Variants in MACF1 observed in about 807,000 individuals in gnomAD.
MACF1 encodes microtubule-actin cross-linking factor 1.
MACF1 carries 193 observed loss-of-function variants against 854.8 expected under a neutral mutation model. The ratio of observed to expected loss-of-function variants is 0.23; its 90% CI spans 0.20 to 0.25. The LOEUF is 0.25. MACF1 is among the 10% of genes least tolerant of loss of function. The probability of loss-of-function intolerance (pLI) is 1.00; values close to 1 mark genes in which losing one functional copy is unlikely to be tolerated. For synonymous variants in MACF1, 3,185 were observed against 3,226.7 expected (o/e 0.99, Z 0.44); for missense variants, 7,722 against 8,929.1 (o/e 0.86, Z 5.45).
chr1:39,408,078 T>C (rs975656233), intron 58 of MACF1, among the ~76,000 whole-genome samples: 4 of 152,192 alleles, frequency 2.6e-5, no homozygotes, highest in Admixed American at 2.0e-4. Flanking sequence ...ATTTGAGATT[T>C]GAAATACCCA....
chr1:39,250,156 T>G, intron 3 of MACF1, 53 bp downstream of exon 3: 1 of 1,233,564 alleles, frequency 8.1e-7, no homozygotes, highest in Non-Finnish European at 1.2e-6. Context: ...AAATGACATA[T>G]TGGTCCATCT....
chr1:39,363,170 A>T (rs914083724), intron 49 of MACF1, among the ~76,000 whole-genome samples: 138 of 152,270 alleles, frequency 9.1e-4, no homozygotes, highest in African/African-American at 3.1e-3. Flanking sequence ...ATTTGTTTCT[A>T]TTTGTATTCA....
chr1:39,335,987 C>A lies in MACF1; in HGVS notation c.9399C>A (p.Asp3133Glu). Residue 3133 changes from aspartate (D) to glutamate (E), a missense_variant, in exon 37 of 101, where the codon GAC (aspartate) becomes GAA (glutamate). This residue lies in a region of MACF1 where 854 missense variants were observed against 852.6 expected (regional missense o/e 1.00). Transcript: ENST00000564288. ...VTGPSQISKTDKSFQGTTRQE... is the reference protein window; with the variant it reads ...VTGPSQISKTEKSFQGTTRQE... Reference sequence around the variant, plus strand: ...GCCCATCCCAAATTTCCAAAACAGACAAGTCTTTCCAAGGAACCACCAGAC... The same window carrying A: ...GCCCATCCCAAATTTCCAAAACAGAAAAGTCTTTCCAAGGAACCACCAGAC... The A allele has an allele frequency of 6.2e-7, 1 of 1,614,110 alleles. No homozygotes were observed. Among genetic ancestry groups the A allele is most frequent in the South Asian group, 1.1e-5 (1 of 91,080 alleles).
At chr1:39,265,292 TC>T (rs1431413980) in intron 6 of MACF1, among the ~76,000 whole-genome samples, 2 of 152,052 alleles carry the variant, frequency 1.3e-5, no homozygotes, top group African/African-American at 4.8e-5. Flanking sequence ...AGTCTTTCAC[TC>T]TGGCTGTCTC....
Position 39,454,901 on chromosome 1 carries a change from T to C in MACF1, c.20887-8T>C, listed in dbSNP as rs1352767513. ...GAAAGAGGCCATGGTTTCCTTCTTT[T>C]TCCACAGGTCCTGACATGGGCTAAG... On this transcript the variant is annotated splice_region_variant and splice_polypyrimidine_tract_variant and intron_variant, in intron 88 of 100. Transcript: ENST00000564288. 1 of 1,605,302 alleles carries C rather than the reference T, an allele frequency of 6.2e-7. No homozygotes were observed. Among genetic ancestry groups the C allele is most frequent in the African/African-American group, 1.3e-5 (1 of 74,412 alleles).
At chr1:39,359,623 C>T (rs1647886789) in intron 47 of MACF1, among the ~76,000 whole-genome samples, 1 of 152,002 alleles carries the variant, frequency 6.6e-6, no homozygotes, top group African/African-American at 2.4e-5. Context: ...AAATCTTGCC[C>T]ATGCTTCAAG....
intron 2 of MACF1, among the ~76,000 whole-genome samples, chr1:39,163,792 AG>A (rs1304829301): frequency 6.6e-6 from 1 of 152,096 alleles, no homozygotes; most frequent in Non-Finnish European, 1.5e-5. Flanking sequence ...TCTTTTTTTA[AG>A]GGGGTGCTTT....
At chr1:39,157,920 C>T (rs1643724321) in intron 2 of MACF1, among the ~76,000 whole-genome samples, 1 of 152,096 alleles carries the variant, frequency 6.6e-6, no homozygotes, top group East Asian at 1.9e-4. Flanking sequence ...GTTGCTCAGG[C>T]TGGACTTCTG....
chr1:39,425,914 C>G (rs1643711591), intron 61 of MACF1, among the ~76,000 whole-genome samples: 1 of 152,064 alleles, frequency 6.6e-6, no homozygotes, highest in African/African-American at 2.4e-5. Context: ...TTACTTGTTT[C>G]CATCCTCCTA....
intron 47 of MACF1, among the ~76,000 whole-genome samples, chr1:39,360,034 TATATATATATATATATATACACACAC>T (rs1557608983): frequency 3.5e-5 from 3 of 85,190 alleles, no homozygotes; most frequent in African/African-American, 1.4e-4. Context: ...TATATATATA[TATATATATATATATATATACACACAC>T]ACACACACAC....
At chr1:39,454,465 T>C (rs1251334183) in intron 88 of MACF1, among the ~76,000 whole-genome samples, 1 of 152,116 alleles carries the variant, frequency 6.6e-6, no homozygotes, top group Non-Finnish European at 1.5e-5. Flanking sequence ...ACTGGGGTAA[T>C]AGTGAAGCCT....
chr1:39,477,979 CAG>C (rs1378090621), intron 97 of MACF1, among the ~76,000 whole-genome samples: 3 of 142,552 alleles, frequency 2.1e-5, no homozygotes, highest in Non-Finnish European at 3.1e-5. Flanking sequence ...TTTTTCCTGG[CAG>C]AGTTTGCTCA....
At position 39,352,981 on chromosome 1, in the gene MACF1, C is replaced by T. The variant is rs139173278; in HGVS notation, c.11200-26C>T. 3.0e-3 allele frequency: 4,631 copies of T among 1,568,332 alleles called. 167 individuals are homozygous for T. In the South Asian group the frequency reaches 0.049, roughly 16 times the overall value. On this transcript the variant is annotated intron_variant, in intron 43 of 100. Transcript: ENST00000564288. ...TATGATTGAGTATGTAAAGCCTTCTCACTAGACTACCTCGGTGGCTTTCAG... is the reference window on the plus strand; with the variant it reads ...TATGATTGAGTATGTAAAGCCTTCTTACTAGACTACCTCGGTGGCTTTCAG...
At chr1:39,439,638 T>C in intron 72 of MACF1, 138 bp downstream of exon 72, 2 of 670,170 alleles carry the variant, frequency 3.0e-6, no homozygotes, top group East Asian at 2.7e-5. Flanking sequence ...TGTTTTTTGC[T>C]CTTGTCCCCA....
At position 39,442,803 on chromosome 1, in the gene MACF1, T is replaced by A. The variant is rs1351289385; in HGVS notation, c.19194T>A (p.Asp6398Glu). 1.2e-6 allele frequency: 2 copies of A among 1,614,022 alleles called. No individual in the cohort carries two copies. Among genetic ancestry groups the A allele is most frequent in the African/African-American group, 2.7e-5 (2 of 74,910 alleles). Reference protein sequence around the residue: ...GNELLESSAGDDASSLRSRLE... With the variant: ...GNELLESSAGEDASSLRSRLE... ...AGCTTCTTGAATCCAGTGCTGGAGA[T>A]GATGCCAGCAGCTTAAGGAGCCGTT... Residue 6398 changes from aspartate (D) to glutamate (E), a missense_variant, in exon 78 of 101, where the codon GAT becomes GAA. Physicochemically the swap from Asp to Glu is conservative, Grantham distance 45. Coordinates refer to ENST00000564288, the MANE Select transcript of MACF1 (RefSeq NM_001394062.1).
At position 39,340,712 on chromosome 1, in the gene MACF1, G is replaced by C. The variant is rs1265612114; in HGVS notation, c.10426G>C (p.Glu3476Gln). The C allele has an allele frequency of 6.2e-7, 1 of 1,613,904 alleles. No individual in the cohort carries two copies. The highest frequency in any genetic ancestry group is 1.3e-5 in the African/African-American group (1 of 74,924). ...CCACTTCCAGAATGCTGTGGAAATAGAAAAGGTAGCATTTTGCTTTTATTC... is the reference window on the plus strand; with the variant it reads ...CCACTTCCAGAATGCTGTGGAAATACAAAAGGTAGCATTTTGCTTTTATTC... Reference protein sequence around the residue: ...LLHFQNAVEIEKTKVLNQHTQ... With the variant: ...LLHFQNAVEIQKTKVLNQHTQ... Residue 3476 changes from glutamate (E) to glutamine (Q), a missense_variant, in exon 39 of 101, where the codon GAA (glutamate) becomes CAA (glutamine). Glu to Gln is a conservative substitution (Grantham distance 29). This residue lies in a region of MACF1 where 854 missense variants were observed against 852.6 expected (regional missense o/e 1.00). Coordinates refer to ENST00000564288, the MANE Select transcript of MACF1 (RefSeq NM_001394062.1).
Position 39,460,644 on chromosome 1 carries a change from G to T in MACF1, c.21373G>T (p.Ala7125Ser). 1 of 1,614,138 alleles carries T rather than the reference G, an allele frequency of 6.2e-7. No homozygotes were observed. Among genetic ancestry groups the T allele is most frequent in the East Asian group, 2.2e-5 (1 of 44,888 alleles). ...GATTTCTGTGTAGTTGAAAGAATTT[G>T]CCAACTTTGACTTTGATGTCTGGAG... Reference protein sequence around the residue: ...LDRLEELKEFANFDFDVWRKK... With the variant: ...LDRLEELKEFSNFDFDVWRKK... Residue 7125 changes from alanine (A) to serine (S), a missense_variant, in exon 92 of 101, where the codon GCC becomes TCC. This residue lies in a region of MACF1 where 729 missense variants were observed against 900.5 expected (regional missense o/e 0.81). Transcript: ENST00000564288. The surrounding 1 kb of genome is among the most constrained non-coding windows in gnomAD (Gnocchi z 4.1).
At chr1:39,354,552 G>A (rs1357067406) in intron 44 of MACF1, among the ~76,000 whole-genome samples, 1 of 152,102 alleles carries the variant, frequency 6.6e-6, no homozygotes, top group African/African-American at 2.4e-5. Flanking sequence ...TTACAGGCAT[G>A]TGCCACCATG....
At position 39,484,816 on chromosome 1, in the gene MACF1, C is replaced by T. The variant is rs1472146255; in HGVS notation, c.22411+86C>T. ...GGAATGTTTCACTGCTCCCAAGGAG[C>T]GGGTAATGAGAGTGGCACTTAGTGT... On this transcript the variant is annotated intron_variant, in intron 100 of 100. Transcript: ENST00000564288. The T allele has an allele frequency of 3.3e-6, 5 of 1,517,578 alleles. No individual in the cohort carries two copies. The highest frequency in any genetic ancestry group is 3.3e-5 in the Admixed American group (2 of 59,768). The allele number at this position is 1,517,578 out of a possible 1,614,324, so 94.0% of individuals were successfully genotyped here. A position where few individuals can be genotyped will look rare whatever the true frequency, so the allele number is the denominator to read the frequency against.
Sources: gnomAD v4.1 joint callset for allele counts (sites outside exome capture counted in the v4.1 genomes callset) on GRCh38, gnomAD v4.1.1 for gene constraint, gnomAD v4.1.1 regional missense constraint, Gnocchi (gnomAD v3.1) non-coding constraint, MANE v1.5 for transcripts, NCBI Gene and HGNC (gene_info 2026-07-23, HGNC 2026-07-21) for gene names.